The following SOX5 variants were observed in gnomAD, a reference collection of about 807,000 sequenced individuals.
SOX5 encodes the protein SRY-box transcription factor 5.
Under a neutral mutation model 92.0 loss-of-function variants are expected in SOX5, and 9 were observed. The ratio of observed to expected loss-of-function variants is 0.10; its 90% confidence interval spans 0.06 to 0.17. The LOEUF (loss-of-function observed/expected upper bound fraction) is 0.17, where lower values mean the gene tolerates loss of function less well. Ranked by LOEUF, SOX5 falls within the 10% of genes least tolerant of loss-of-function variation. The pLI, the probability that SOX5 is intolerant of heterozygous loss-of-function variation, is 1.00. For synonymous variants in SOX5, 344 were observed against 336.3 expected, an observed-to-expected ratio of 1.02 and a Z score of -0.25; for missense variants, 642 against 944.5, an observed-to-expected ratio of 0.68 and a Z score of 4.20.
At chr12:24,142,236 A>G (rs1950653080) in intron 4 of SOX5, among the ~76,000 whole-genome samples, 1 of 151,892 alleles carries the variant, frequency 6.6e-6, no homozygotes, top group Admixed American at 6.6e-5. Context: ...GGTAAGCAGC[A>G]CTCCCGCTTC....
intron 6 of SOX5, among the ~76,000 whole-genome samples, chr12:23,692,709 A>G (rs1313378661): frequency 6.6e-6 from 1 of 152,182 alleles, no homozygotes; most frequent in Non-Finnish European, 1.5e-5. Context: ...ATTTTTAATA[A>G]CCTTCTACCT....
chr12:24,354,151 T>C (rs1248921647), intron 2 of SOX5, among the ~76,000 whole-genome samples: 2 of 152,220 alleles, frequency 1.3e-5, no homozygotes, highest in Non-Finnish European at 2.9e-5. Context: ...TATGAGAGCA[T>C]ACACCAGGTA....
intron 6 of SOX5, among the ~76,000 whole-genome samples, chr12:23,683,799 C>T (rs1400471083): frequency 6.6e-6 from 1 of 152,032 alleles, no homozygotes; most frequent in Non-Finnish European, 1.5e-5. Context: ...CAATCATCCT[C>T]TGCACTAACC....
At chr12:24,279,750 T>C (rs972327084) in intron 2 of SOX5, among the ~76,000 whole-genome samples, 1 of 152,112 alleles carries the variant, frequency 6.6e-6, no homozygotes, top group African/African-American at 2.4e-5. Flanking sequence ...ACTTAAAAAC[T>C]CCCATCTAAA....
Position 24,509,556 on chromosome 12 carries a change from G to T in SOX5, c.-251+52773C>A, listed in dbSNP as rs191344571. Among the ~76,000 whole-genome samples, 236 of 152,136 alleles carry T rather than the reference G, an allele frequency of 1.6e-3. 1 individual carries two copies. Among genetic ancestry groups the T allele is most frequent in the Non-Finnish European group, 2.1e-3 (141 of 67,968 alleles). On this transcript the variant is annotated intron_variant, in intron 1 of 4. Coordinates refer to the SOX5 transcript ENST00000446891. ...CTAATAAAGGAGTTTCTAAAATTTT[G>T]GGGGGGAATAAAAAGCAATTAATAG...
intron 3 of SOX5, among the ~76,000 whole-genome samples, chr12:24,248,618 C>T (rs1939386050): frequency 6.6e-6 from 1 of 152,168 alleles, no homozygotes; most frequent in Non-Finnish European, 1.5e-5. Context: ...ATCCTGACTT[C>T]AAGTGATCCG....
intron 4 of SOX5, among the ~76,000 whole-genome samples, chr12:24,127,015 G>C (rs915534438): frequency 2.0e-5 from 3 of 151,912 alleles, no homozygotes; most frequent in African/African-American, 7.3e-5. Context: ...TATATAATTA[G>C]TACATACTAC....
intron 2 of SOX5, among the ~76,000 whole-genome samples, chr12:24,358,403 C>G (rs1955122863): frequency 6.6e-6 from 1 of 152,184 alleles, no homozygotes; most frequent in African/African-American, 2.4e-5. Context: ...GGAAAATTCT[C>G]TGAAGTGTTC....
intron 1 of SOX5, among the ~76,000 whole-genome samples, chr12:24,389,618 C>T (rs73281469): frequency 0.017 from 2,513 of 152,244 alleles, 60 homozygotes; most frequent in African/African-American, 0.057. Context: ...TTTTATTTAT[C>T]CATCAGTTGA....
intron 6 of SOX5, among the ~76,000 whole-genome samples, chr12:23,729,878 T>C (rs902777923): frequency 2.0e-5 from 3 of 152,124 alleles, no homozygotes; most frequent in African/African-American, 7.2e-5. Context: ...CTAAGTATTA[T>C]TGAAAAGGAG....
intron 1 of SOX5, among the ~76,000 whole-genome samples, chr12:24,548,184 CA>C (rs1952828572): frequency 6.6e-6 from 1 of 152,152 alleles, no homozygotes; most frequent in African/African-American, 2.4e-5. Flanking sequence ...TCCAAAATAG[CA>C]GTGTTAATAT....
intron 4 of SOX5, among the ~76,000 whole-genome samples, chr12:24,107,622 A>G (rs1239008423): frequency 6.6e-6 from 1 of 152,206 alleles, no homozygotes; most frequent in African/African-American, 2.4e-5. Flanking sequence ...TATTCTCTCT[A>G]AGCTAAAGCT....
At chr12:23,963,615 G>A (rs1947205517) in intron 4 of SOX5, among the ~76,000 whole-genome samples, 1 of 151,784 alleles carries the variant, frequency 6.6e-6, no homozygotes. Flanking sequence ...TACAACAACC[G>A]ACTAAATCCT....
intron 3 of SOX5, among the ~76,000 whole-genome samples, chr12:23,821,831 T>G (rs1425537222): frequency 6.6e-6 from 1 of 152,200 alleles, no homozygotes; most frequent in African/African-American, 2.4e-5. Context: ...ATTTGACTTC[T>G]TCCTGGTTTA....
At chr12:24,263,596 T>G (rs1184726619) in intron 3 of SOX5, among the ~76,000 whole-genome samples, 1 of 136,060 alleles carries the variant, frequency 7.3e-6, no homozygotes, top group East Asian at 2.3e-4. Context: ...CAATACAGAA[T>G]ATATTAATAA....
chr12:24,066,242 G>C (rs147592760), intron 4 of SOX5, among the ~76,000 whole-genome samples: 187 of 152,246 alleles, frequency 1.2e-3, no homozygotes, highest in African/African-American at 4.3e-3. Flanking sequence ...CTTAAAATTG[G>C]TTTATGATGT....
At chr12:23,898,467 T>C (rs1443175456) in intron 1 of SOX5, among the ~76,000 whole-genome samples, 2 of 152,206 alleles carry the variant, frequency 1.3e-5, no homozygotes, top group Admixed American at 6.5e-5. Flanking sequence ...GTTAATACAA[T>C]TCTATGACCT....
intron 3 of SOX5, among the ~76,000 whole-genome samples, chr12:24,237,188 A>G (rs573352017): frequency 6.6e-6 from 1 of 152,316 alleles, no homozygotes; most frequent in African/African-American, 2.4e-5. Flanking sequence ...CCCCTACTGG[A>G]AGTCAGGGAA....
chr12:23,878,836 T>C (rs2018220565), intron 2 of SOX5, among the ~76,000 whole-genome samples: 1 of 152,102 alleles, frequency 6.6e-6, no homozygotes, highest in African/African-American at 2.4e-5. Flanking sequence ...ATCTGTAATA[T>C]TCATATATTC....
Sources: allele counts gnomAD v4.1 joint callset (sites outside exome capture counted in the v4.1 genomes callset), GRCh38; gene constraint gnomAD v4.1.1; transcripts MANE v1.5; gene names NCBI Gene and HGNC (gene_info 2026-07-23, HGNC 2026-07-21).